The following GPR84 variants were observed in gnomAD, a reference collection of about 807,000 sequenced individuals.
The protein encoded by GPR84 is G protein-coupled receptor 84.
Under a neutral mutation model 14.9 loss-of-function variants are expected in GPR84, and 8 were observed. That is an observed-to-expected ratio of 0.54 (90% CI 0.31 to 0.97). GPR84 has a LOEUF of 0.97. GPR84 is among the 50% of genes least tolerant of loss of function. The pLI is 0.04. For missense variants in GPR84, 424 were observed against 498.7 expected (o/e 0.85, Z 1.43); for synonymous variants, 164 against 198.1 (o/e 0.83, Z 1.45).
At chr12:54,361,071 C>T (rs1490705913), downstream of GPR84, among the ~76,000 whole-genome samples, 7 of 152,142 alleles carry the variant, frequency 4.6e-5, no homozygotes, top group African/African-American at 7.2e-5. The surrounding 1 kb of genome is among the most constrained non-coding windows in gnomAD (Gnocchi z 4.3). Flanking sequence ...TGTGTAAGCA[C>T]GCACATTGTG....
chr12:54,361,157 C>A (rs1289541866), downstream of GPR84, among the ~76,000 whole-genome samples: 1 of 151,748 alleles, frequency 6.6e-6, no homozygotes, highest in Non-Finnish European at 1.5e-5. This position sits in a 1 kb window ranked among gnomAD's most constrained non-coding sequence, Gnocchi z 4.3. Flanking sequence ...TAACTAGAGT[C>A]TTTGTTTTCC....
chr12:54,353,661 A>G, the GPR84 span: 1 of 152,280 alleles, frequency 6.6e-6, no homozygotes, highest in African/African-American at 2.4e-5. Flanking sequence ...GTGCTAGGCT[A>G]TGTAAACTCC....
Position 54,362,743 on chromosome 12 carries a change from T to G in GPR84, c.1109A>C (p.Tyr370Ser). ...WLNGCINPVL[Y>S]AAMNRQFRQA... ...GCGGAATTGGCGGTTCATGGCTGCA[T>G]AGAGCACAGGGTTGATGCAACCATT... The change falls in exon 2 of 2, where the codon TAT becomes TCT. Residue 370 changes from tyrosine (Y) to serine (S), a missense_variant. Transcript: ENST00000267015. This position sits in a 1 kb window ranked among gnomAD's most constrained non-coding sequence, Gnocchi z 4.0. 6.2e-7 allele frequency: 1 copy of G among 1,614,124 alleles called. No individual in the cohort carries two copies. The highest frequency in any genetic ancestry group is 1.7e-5 in the Admixed American group (1 of 60,012).
At chr12:54,359,190 C>G (rs375271317), downstream of GPR84, among the ~76,000 whole-genome samples, 12 of 152,138 alleles carry the variant, frequency 7.9e-5, no homozygotes, top group African/African-American at 1.7e-4. Flanking sequence ...GCTGCACCCC[C>G]CTCCCCGCGG....
downstream of GPR84, among the ~76,000 whole-genome samples, chr12:54,358,296 G>T (rs1397482380): frequency 1.3e-5 from 2 of 152,114 alleles, no homozygotes; most frequent in African/African-American, 4.8e-5. Context: ...CGCCTGACTC[G>T]TCTGTCCCCT....
chr12:54,357,146 C>T, the GPR84 span, among the ~76,000 whole-genome samples: 3 of 152,144 alleles, frequency 2.0e-5, no homozygotes, highest in East Asian at 5.8e-4. Context: ...GCTGCCCATC[C>T]GTCTTCTGAC....
chr12:54,359,924 T>C (rs1954252347), downstream of GPR84, among the ~76,000 whole-genome samples: 1 of 148,796 alleles, frequency 6.7e-6, no homozygotes, highest in Admixed American at 6.6e-5. Context: ...CTTCTGTGTC[T>C]CCTGAGTTTT....
In GPR84 at chr12:54,363,383, GC is replaced by G. The variant is rs781457922; in HGVS notation, c.468del (p.Trp156CysfsTer9). The G allele has an allele frequency of 1.3e-4, 213 of 1,614,078 alleles. 1 individual carries two copies. Among genetic ancestry groups the G allele is most frequent in the Middle Eastern group, 4.9e-4 (3 of 6,062 alleles). ...ACTACAGGTACCAGGATATAAATAG[GC>G]CAGAGGGGAGCAAAGCTGGCCACGC... ...VVGVASFAPL[W>X]PIYILVPVVC... On this transcript the variant is annotated frameshift_variant, in exon 2 of 2. Transcript: ENST00000267015. LOFTEE classifies it high-confidence loss of function.
chr12:54,363,256 C>T lies in GPR84; in HGVS notation c.596G>A (p.Cys199Tyr). ...LGLSSVGIFY[C>Y]LIHRQVKRAA... ...TCGTTTGACCTGGCGGTGGATGAGG[C>T]AATAGAAGATGCCAACACTGCTGAG... Residue 199 changes from cysteine to tyrosine, a missense_variant, in exon 2 of 2, where the codon TGC becomes TAC. Transcript: ENST00000267015. The T allele has an allele frequency of 1.2e-6, 2 of 1,614,114 alleles. No individual in the cohort carries two copies. Among genetic ancestry groups the T allele is most frequent in the Non-Finnish European group, 1.7e-6 (2 of 1,180,024 alleles).
chr12:54,354,527 G>C, the GPR84 span, among the ~76,000 whole-genome samples: 2 of 151,990 alleles, frequency 1.3e-5, no homozygotes, highest in Non-Finnish European at 2.9e-5. Flanking sequence ...CCGCCTCCCG[G>C]GTTCAAGCGA....
the GPR84 span, among the ~76,000 whole-genome samples, chr12:54,355,435 T>C: frequency 6.6e-6 from 1 of 152,210 alleles, no homozygotes; most frequent in South Asian, 2.1e-4. Context: ...CAGCAGTCTC[T>C]TTCCTTGAGG....
downstream of GPR84, among the ~76,000 whole-genome samples, chr12:54,361,356 A>G (rs1223399689): frequency 1.3e-5 from 2 of 150,230 alleles, no homozygotes; most frequent in Non-Finnish European, 3.0e-5. The surrounding 1 kb of genome is among the most constrained non-coding windows in gnomAD (Gnocchi z 4.3). Context: ...TAATTTTTGT[A>G]TTTTATTTTA....
the GPR84 span, among the ~76,000 whole-genome samples, chr12:54,357,410 C>T: frequency 2.0e-5 from 3 of 152,126 alleles, no homozygotes; most frequent in Admixed American, 2.0e-4. Context: ...TGTTCACTAC[C>T]CACCCAAACC....
downstream of GPR84, among the ~76,000 whole-genome samples, chr12:54,359,196 C>G (rs114239968): frequency 1.3e-5 from 2 of 152,084 alleles, no homozygotes; most frequent in African/African-American, 4.8e-5. Flanking sequence ...CCCCCCTCCC[C>G]GCGGCTGCTG....
At position 54,363,771 on chromosome 12, in the gene GPR84, C is replaced by G. The variant is rs546719135; in HGVS notation, c.81G>C (p.Gly27=). 1.1e-5 allele frequency: 18 copies of G among 1,613,618 alleles called. No homozygotes were observed. In the African/African-American group the frequency reaches 2.3e-4, roughly 20 times the overall value. ...CGGTGCCTGTCACAGCCACCACCAC[C>G]CCCCAGCTAACTGCAACATAACGAT... ...LGYRYVAVSW[G]VVVAVTGTVG... is the part of the protein sequence containing the mutation. Residue 27 remains glycine, a synonymous_variant, in exon 2 of 2, where the codon GGG becomes GGC. Transcript: ENST00000267015.
In GPR84 at chr12:54,363,012, G is replaced by C. The variant is rs751172289; in HGVS notation, c.840C>G (p.Ser280Arg). The C allele has an allele frequency of 6.2e-7, 1 of 1,614,170 alleles. No homozygotes were observed. The highest frequency in any genetic ancestry group is 1.1e-5 in the South Asian group (1 of 91,078). The part of the protein sequence containing the change: ...DSSEVGDQIN[S>R]KRAKQMAEKS... The stretch of plus-strand genomic sequence containing the variant: ...TCTCTGCCATCTGCTTAGCTCTCTT[G>C]CTGTTGATCTGGTCTCCCACTTCTG... Residue 280 changes from serine (S) to arginine (R), a missense_variant, in exon 2 of 2, where the codon AGC (serine) becomes AGG (arginine). Coordinates refer to ENST00000267015, the MANE Select transcript of GPR84 (RefSeq NM_020370.3).
At chr12:54,352,266 G>A in the GPR84 span, among the ~76,000 whole-genome samples, 1 of 152,162 alleles carries the variant, frequency 6.6e-6, no homozygotes, top group South Asian at 2.1e-4. Flanking sequence ...AGCCAGCGCT[G>A]CTCCAGAAGG....
the GPR84 span, chr12:54,351,711 G>C: frequency 6.6e-6 from 1 of 152,194 alleles, no homozygotes; most frequent in Non-Finnish European, 1.5e-5. Context: ...CTAACTGCCA[G>C]TTCTCCAGCA....
chr12:54,353,599 A>C, the GPR84 span: 2 of 152,016 alleles, frequency 1.3e-5, no homozygotes, highest in African/African-American at 4.8e-5. Context: ...CTTTTCCCAC[A>C]ATGTTCTGCA....
Sources: gnomAD v4.1 joint callset for allele counts (sites outside exome capture counted in the v4.1 genomes callset) on GRCh38, gnomAD v4.1.1 for gene constraint, Gnocchi (gnomAD v3.1) non-coding constraint, MANE v1.5 for transcripts, NCBI Gene and HGNC (gene_info 2026-07-23, HGNC 2026-07-21) for gene names.